Variants in FER observed in about 807,000 individuals in gnomAD.
The protein encoded by FER is FER tyrosine kinase.
In FER, 63 loss-of-function variants were observed where a neutral mutation model predicts 111.0. The observed-to-expected ratio is 0.57, with a 90% CI of 0.46 to 0.70. FER has a LOEUF of 0.70. Ranked by LOEUF, FER falls within the 30% of genes least tolerant of loss-of-function variation. FER has a pLI of 0.00. For synonymous variants in FER, 327 were observed against 313.9 expected (o/e 1.04, Z -0.44); for missense variants, 914 against 954.0 (o/e 0.96, Z 0.55).
rs544417475 is a variant in FER, at chr5:108,924,715, G to A, written c.1237-21415G>A. On this transcript the variant is annotated intron_variant, in intron 10 of 19. Transcript: ENST00000281092. ...TAAGGATCAGCTGGAGTCTGGTTTC[G>A]GCTCCCAATCCTGTAAAACATGTGC... 88 of 1,231,952 alleles carry A rather than the reference G, an allele frequency of 7.1e-5. No individual in the cohort carries two copies. The African/African-American group carries it at 1.1e-3, about 16-fold the overall frequency. 76.3% of individuals were successfully genotyped at this position (1,231,952 alleles called of 1,614,324 possible).
At chr5:108,985,395 C>G (rs115758321) in intron 13 of FER, among the ~76,000 whole-genome samples, 1,598 of 152,128 alleles carry the variant, frequency 0.011, 24 homozygotes, top group African/African-American at 0.036. Context: ...ACCTGATAGT[C>G]ACTATTTGTT....
chr5:109,183,194 A>C (rs1454637398), intron 18 of FER, among the ~76,000 whole-genome samples: 1 of 150,830 alleles, frequency 6.6e-6, no homozygotes, highest in African/African-American at 2.4e-5. Flanking sequence ...CAACCCAGAG[A>C]AGTTTAGTTC....
chr5:109,099,436 G>T (rs532240922), intron 16 of FER, among the ~76,000 whole-genome samples: 8 of 151,216 alleles, frequency 5.3e-5, no homozygotes, highest in East Asian at 3.9e-4. Context: ...GAACATCTTG[G>T]GTATGTGAAT....
At chr5:109,158,252 A>T (rs1755622909) in intron 17 of FER, among the ~76,000 whole-genome samples, 1 of 151,876 alleles carries the variant, frequency 6.6e-6, no homozygotes, top group East Asian at 1.9e-4. Flanking sequence ...GCTTGGTGGC[A>T]CATGCCTGTA....
chr5:109,077,936 C>G (rs894613508), intron 16 of FER, among the ~76,000 whole-genome samples: 3 of 152,088 alleles, frequency 2.0e-5, no homozygotes, highest in Non-Finnish European at 4.4e-5. Flanking sequence ...ATAATTTCCA[C>G]TTTACACAGG....
At chr5:109,171,711 C>G (rs1042265478) in intron 17 of FER, among the ~76,000 whole-genome samples, 3 of 152,134 alleles carry the variant, frequency 2.0e-5, no homozygotes, top group African/African-American at 2.4e-5. Flanking sequence ...TTTTAAATCT[C>G]TCTTCCAGAA....
intron 16 of FER, among the ~76,000 whole-genome samples, chr5:109,084,839 A>G (rs948722113): frequency 2.6e-5 from 4 of 152,034 alleles, no homozygotes; most frequent in African/African-American, 4.8e-5. Flanking sequence ...TCAACTATCA[A>G]TTCTTTAAAA....
At chr5:109,090,006 T>C (rs542571528) in intron 16 of FER, among the ~76,000 whole-genome samples, 1 of 152,190 alleles carries the variant, frequency 6.6e-6, no homozygotes, top group Non-Finnish European at 1.5e-5. Flanking sequence ...GGTTTCTTCT[T>C]CAGGAGGGAA....
intron 13 of FER, among the ~76,000 whole-genome samples, chr5:108,961,782 G>C (rs1238924226): frequency 6.6e-6 from 1 of 152,126 alleles, no homozygotes; most frequent in African/African-American, 2.4e-5. Context: ...ATATGGATTT[G>C]TTATGGTGGT....
At chr5:108,882,207 A>T (rs1337767660) in intron 8 of FER, among the ~76,000 whole-genome samples, 1 of 152,084 alleles carries the variant, frequency 6.6e-6, no homozygotes, top group African/African-American at 2.4e-5. Flanking sequence ...TTTCTAATTT[A>T]AAATTTGAGA....
chr5:108,791,206 T>C (rs1339600150), intron 2 of FER, among the ~76,000 whole-genome samples: 2 of 152,200 alleles, frequency 1.3e-5, no homozygotes, highest in African/African-American at 4.8e-5. Context: ...ATGTTTTACG[T>C]TTCCAGGAAC....
rs1759677637 is a variant in FER, at chr5:109,195,507, C to G, written c.*7932C>G. The G allele has an allele frequency of 6.6e-6, 1 of 152,080 alleles. No homozygotes were observed. The highest frequency in any genetic ancestry group is 1.5e-5 in the Non-Finnish European group (1 of 68,018). The allele number at this position is 152,080 out of a possible 1,614,324, so 9.4% of individuals were successfully genotyped here. A position where few individuals can be genotyped will look rare whatever the true frequency, so the allele number is the denominator to read the frequency against. On this transcript the variant is annotated 3_prime_UTR_variant, in exon 20 of 20. Coordinates refer to ENST00000281092, the MANE Select transcript of FER (RefSeq NM_005246.4). ...CCCATAACAAGTAAATTTTATAATC[C>G]TATGATTCTAAATTCAATCCCCAAT...
At chr5:109,095,091 A>C (rs1237925470) in intron 16 of FER, among the ~76,000 whole-genome samples, 1 of 152,174 alleles carries the variant, frequency 6.6e-6, no homozygotes. Flanking sequence ...GAAAAATGCA[A>C]AAGGTTCGTG....
At chr5:109,082,008 G>T (rs1777040174) in intron 16 of FER, among the ~76,000 whole-genome samples, 1 of 151,730 alleles carries the variant, frequency 6.6e-6, no homozygotes, top group African/African-American at 2.4e-5. Context: ...TGTCTGTGTA[G>T]CCATTATTTT....
In FER at chr5:108,862,042, T is replaced by C. The variant is rs534795097; in HGVS notation, c.482-5725T>C. On this transcript the variant is annotated intron_variant, in intron 5 of 19. Transcript: ENST00000281092. ...TTATAACCAAATGTAGAAGTGTATG[T>C]GAGCTGTGGAGTACTCCTCCCCAAA... Among the ~76,000 whole-genome samples, 3 of 152,300 alleles carry C rather than the reference T, an allele frequency of 2.0e-5. No individual in the cohort carries two copies. In the South Asian group the frequency reaches 6.2e-4, roughly 32 times the overall value.
At chr5:109,185,289 G>T (rs1342475299) in intron 18 of FER, among the ~76,000 whole-genome samples, 1 of 152,154 alleles carries the variant, frequency 6.6e-6, no homozygotes, top group African/African-American at 2.4e-5. Flanking sequence ...GTGATTTAAA[G>T]ACGTTTTTGT....
In FER at chr5:108,883,435, G is replaced by A; in HGVS notation, c.963G>A (p.Gln321=). ...TLAEELMQTQ[Q]MLLNKEEAVL... The stretch of plus-strand genomic sequence containing the variant: ...CGGAAGAACTTATGCAAACACAGCA[G>A]ATGCTTTTAAACAAGGAGGAGGCTG... The change falls in exon 9 of 20, where the codon CAG becomes CAA. Residue 321 remains glutamine (Q), a synonymous_variant. Transcript: ENST00000281092. 1.2e-6 allele frequency: 2 copies of A among 1,609,248 alleles called. No homozygotes were observed. The highest frequency in any genetic ancestry group is 1.7e-6 in the Non-Finnish European group (2 of 1,176,844).
At chr5:109,132,453 A>G (rs1192644342) in intron 17 of FER, among the ~76,000 whole-genome samples, 1 of 152,164 alleles carries the variant, frequency 6.6e-6, no homozygotes, top group African/African-American at 2.4e-5. Flanking sequence ...TTCTAGTGAA[A>G]TTTAGACTTA....
At chr5:109,018,916 A>T (rs1193885400) in intron 13 of FER, among the ~76,000 whole-genome samples, 2 of 151,576 alleles carry the variant, frequency 1.3e-5, no homozygotes, top group East Asian at 3.9e-4. Flanking sequence ...TACTGTGGGT[A>T]GTACTGCTGT....
Sources: allele counts gnomAD v4.1 joint callset (sites outside exome capture counted in the v4.1 genomes callset), GRCh38; gene constraint gnomAD v4.1.1; transcripts MANE v1.5; gene names NCBI Gene and HGNC (gene_info 2026-07-23, HGNC 2026-07-21).